Variants in NAV2 observed in about 807,000 individuals in gnomAD.
NAV2 encodes helicase, APC down-regulated 1.
In NAV2, 54 loss-of-function variants were observed where a neutral mutation model predicts 223.2. The observed-to-expected ratio is 0.24, with a 90% confidence interval of 0.19 to 0.30. NAV2 has a LOEUF of 0.30. Among genes scored for constraint, NAV2 ranks in the 10% least tolerant of loss-of-function variants. The pLI, the probability that NAV2 is intolerant of heterozygous loss-of-function variation, is 1.00. For missense variants in NAV2, 2,806 were observed against 3,147.5 expected, an observed-to-expected ratio of 0.89 and a Z score of 2.60; for synonymous variants, 1,279 against 1,239.3, an observed-to-expected ratio of 1.03 and a Z score of -0.67.
rs890952360 is a variant in NAV2, at chr11:19,870,111, C to T, written c.511+1114C>T. Among the ~76,000 whole-genome samples the T allele has an allele frequency of 9.2e-5, 14 of 152,148 alleles. No homozygotes were observed. The East Asian group carries it at 9.6e-4, about 10-fold the overall frequency. ...TGCTGGACCTGTTCCCAGTCAGGCACGGCCACACTGCTTCCAGAGTTCGCA... is the reference window on the plus strand; with the variant it reads ...TGCTGGACCTGTTCCCAGTCAGGCATGGCCACACTGCTTCCAGAGTTCGCA... On this transcript the variant is annotated intron_variant, in intron 4 of 37. Transcript: ENST00000349880.
intron 1 of NAV2, among the ~76,000 whole-genome samples, chr11:19,582,527 T>G (rs2045754248): frequency 6.6e-6 from 1 of 152,264 alleles, no homozygotes; most frequent in Non-Finnish European, 1.5e-5. Context: ...TAATCCATCT[T>G]GAATTAATTT....
At chr11:19,429,229 C>T (rs117383476) in intron 1 of NAV2, among the ~76,000 whole-genome samples, 7,597 of 152,256 alleles carry the variant, frequency 0.05, 261 homozygotes, top group Non-Finnish European at 0.077. Context: ...TGGAGCAGGG[C>T]TGGTACTCTG....
chr11:19,789,393 G>T (rs1456150825), intron 1 of NAV2, among the ~76,000 whole-genome samples: 3 of 152,254 alleles, frequency 2.0e-5, no homozygotes, highest in African/African-American at 7.2e-5. Context: ...AAACTTTCAG[G>T]GAGAGAAGGT....
intron 1 of NAV2, among the ~76,000 whole-genome samples, chr11:19,683,966 G>C (rs1482265730): frequency 6.6e-6 from 1 of 152,216 alleles, no homozygotes; most frequent in Non-Finnish European, 1.5e-5. Flanking sequence ...GGGACGATAA[G>C]TTTAGATGTA....
intron 1 of NAV2, among the ~76,000 whole-genome samples, chr11:19,809,695 G>A (rs1209453393): frequency 2.0e-5 from 3 of 152,114 alleles, no homozygotes; most frequent in African/African-American, 7.2e-5. Context: ...ACTTCTCTGG[G>A]CTTGACAGCT....
intron 1 of NAV2, among the ~76,000 whole-genome samples, chr11:19,552,158 G>T (rs561761448): frequency 3.8e-4 from 58 of 152,306 alleles, no homozygotes; most frequent in African/African-American, 1.3e-3. Context: ...AGAGCCTCTT[G>T]GGGTGTAGGT....
chr11:19,957,627 C>A (rs1376540045), intron 10 of NAV2, among the ~76,000 whole-genome samples: 1 of 152,186 alleles, frequency 6.6e-6, no homozygotes, highest in East Asian at 1.9e-4. Flanking sequence ...AACCTACTAG[C>A]CCTTATCGGC....
intron 19 of NAV2, among the ~76,000 whole-genome samples, chr11:20,059,013 G>A (rs1293413539): frequency 1.3e-5 from 2 of 151,816 alleles, no homozygotes; most frequent in African/African-American, 2.4e-5. Flanking sequence ...GATGTCTTAA[G>A]CTTCTTGATT....
At position 20,101,328 on chromosome 11, in the gene NAV2, G is replaced by A. The variant is rs1189223392; in HGVS notation, c.6417+156G>A. 3.3e-5 allele frequency among the ~76,000 whole-genome samples: 5 copies of A among 152,136 alleles called. No individual in the cohort carries two copies. The East Asian group carries it at 5.8e-4, about 18-fold the overall frequency. On this transcript the variant is annotated intron_variant, in intron 32 of 37. Transcript: ENST00000349880. ...AGGTCCAGAGGGGGCTAGCAGAAAA[G>A]AAGTTCCATCTGTGGTTAAGCTGAT...
intron 1 of NAV2, among the ~76,000 whole-genome samples, chr11:19,741,314 A>G (rs1320638839): frequency 1.3e-5 from 2 of 152,012 alleles, no homozygotes; most frequent in Admixed American, 6.6e-5. Flanking sequence ...TCAGCATACA[A>G]TATAATATTA....
At chr11:19,912,921 A>G (rs191305988) in intron 6 of NAV2, among the ~76,000 whole-genome samples, 52 of 152,352 alleles carry the variant, frequency 3.4e-4, no homozygotes, top group African/African-American at 1.2e-3. Flanking sequence ...AAACCCATGC[A>G]TTCCTGGCTG....
At chr11:19,768,177 A>C (rs1168794111) in intron 1 of NAV2, among the ~76,000 whole-genome samples, 1 of 152,188 alleles carries the variant, frequency 6.6e-6, no homozygotes, top group Non-Finnish European at 1.5e-5. Flanking sequence ...TCTCAGGAAA[A>C]CATTTCCTTG....
chr11:19,589,644 C>G (rs2046000501), intron 1 of NAV2, among the ~76,000 whole-genome samples: 2 of 152,148 alleles, frequency 1.3e-5, no homozygotes, highest in Admixed American at 1.3e-4. Context: ...TGAAGGGCCT[C>G]TATGTATCTA....
chr11:19,919,577 G>T (rs1449339345), intron 6 of NAV2, among the ~76,000 whole-genome samples: 1 of 152,194 alleles, frequency 6.6e-6, no homozygotes, highest in African/African-American at 2.4e-5. Context: ...TGAAACTATG[G>T]CACTGGAAGG....
At chr11:19,526,327 T>A (rs908679505) in intron 1 of NAV2, among the ~76,000 whole-genome samples, 1 of 152,218 alleles carries the variant, frequency 6.6e-6, no homozygotes, top group Non-Finnish European at 1.5e-5. Flanking sequence ...GGTAATATCT[T>A]GCATAACTTG....
At chr11:20,088,900 C>T (rs933573127) in intron 26 of NAV2, among the ~76,000 whole-genome samples, 1 of 151,874 alleles carries the variant, frequency 6.6e-6, no homozygotes, top group Non-Finnish European at 1.5e-5. Flanking sequence ...GGGAGTATCA[C>T]AGTGAAATTT....
At chr11:19,948,313 T>A (rs1347743864) in intron 9 of NAV2, among the ~76,000 whole-genome samples, 1 of 152,178 alleles carries the variant, frequency 6.6e-6, no homozygotes, top group Non-Finnish European at 1.5e-5. Context: ...CTTGATTTCT[T>A]GACTTCATGA....
At chr11:19,449,071 G>C (rs1391970209) in intron 1 of NAV2, among the ~76,000 whole-genome samples, 1 of 152,112 alleles carries the variant, frequency 6.6e-6, no homozygotes, top group Admixed American at 6.5e-5. Flanking sequence ...CTTGAGCAAG[G>C]CCTGAAATTG....
At chr11:19,786,581 A>G (rs2057134774) in intron 1 of NAV2, among the ~76,000 whole-genome samples, 1 of 152,172 alleles carries the variant, frequency 6.6e-6, no homozygotes, top group Non-Finnish European at 1.5e-5. Flanking sequence ...GGGACCCCAT[A>G]AGAGTACTGA....
Sources: allele counts gnomAD v4.1 joint callset (sites outside exome capture counted in the v4.1 genomes callset), GRCh38; gene constraint gnomAD v4.1.1; transcripts MANE v1.5; gene names NCBI Gene and HGNC (gene_info 2026-07-23, HGNC 2026-07-21).